Variants in STK33 observed in about 807,000 individuals in gnomAD.
The protein encoded by STK33 is serine/threonine-protein kinase 33.
In STK33, 52 loss-of-function variants were observed where a neutral mutation model predicts 58.0. The ratio of observed to expected loss-of-function variants is 0.90; its 90% CI spans 0.72 to 1.13. STK33 has a LOEUF of 1.13. STK33 is among the 50% of genes most tolerant of loss of function. The probability of loss-of-function intolerance (pLI) is 0.00; values close to 1 mark genes in which losing one functional copy is unlikely to be tolerated. For missense variants in STK33, 630 were observed against 604.2 expected (o/e 1.04, Z -0.45); for synonymous variants, 215 against 200.1 (o/e 1.07, Z -0.63).
At chr11:8,491,713 C>A (rs941757132) in intron 1 of STK33, among the ~76,000 whole-genome samples, 1 of 152,142 alleles carries the variant, frequency 6.6e-6, no homozygotes, top group African/African-American at 2.4e-5. Context: ...AGGTTACTCA[C>A]AAAGGGAAGC....
intron 1 of STK33, among the ~76,000 whole-genome samples, chr11:8,573,838 G>A (rs539888123): frequency 2.6e-4 from 39 of 152,316 alleles, no homozygotes; most frequent in African/African-American, 9.4e-4. Flanking sequence ...CATACTGTAT[G>A]ATTCCATTTA....
chr11:8,425,674 T>C (rs114717977), intron 14 of STK33, among the ~76,000 whole-genome samples: 1,827 of 152,336 alleles, frequency 0.012, 39 homozygotes, highest in African/African-American at 0.042. Context: ...TTATAAATAG[T>C]AGAGAGCTAG....
Position 8,551,268 on chromosome 11 carries a change from T to C in STK33, c.-466+42815A>G, listed in dbSNP as rs182368152. Among the ~76,000 whole-genome samples, 9 of 152,202 alleles carry C rather than the reference T, an allele frequency of 5.9e-5. No individual in the cohort carries two copies. The East Asian group carries it at 1.7e-3, about 29-fold the overall frequency. On this transcript the variant is annotated intron_variant, in intron 1 of 15. Transcript: ENST00000687296. Reference sequence around the variant, plus strand: ...CCTCGGCCTCCTGAGTAGCTGGAACTATAGGTGCCTACCACCACAACTGGC... The same window carrying C: ...CCTCGGCCTCCTGAGTAGCTGGAACCATAGGTGCCTACCACCACAACTGGC...
At chr11:8,530,521 G>C (rs775465453) in intron 1 of STK33, among the ~76,000 whole-genome samples, 2 of 150,908 alleles carry the variant, frequency 1.3e-5, no homozygotes, top group Non-Finnish European at 3.0e-5. Context: ...AAATTATTTG[G>C]AAATTTAGAA....
the STK33 span, among the ~76,000 whole-genome samples, chr11:8,359,446 AT>A: frequency 6.6e-6 from 1 of 152,192 alleles, no homozygotes; most frequent in Non-Finnish European, 1.5e-5. Context: ...TTCAAAGTAA[AT>A]TTTAAAACGG....
intron 1 of STK33, among the ~76,000 whole-genome samples, chr11:8,517,794 A>G (rs949289075): frequency 1.3e-5 from 2 of 152,224 alleles, no homozygotes; most frequent in Admixed American, 1.3e-4. Context: ...TAGAGAAAAA[A>G]GAGTAAAAAG....
chr11:8,435,214 C>T (rs376689381), intron 14 of STK33, among the ~76,000 whole-genome samples: 1 of 152,116 alleles, frequency 6.6e-6, no homozygotes, highest in Non-Finnish European at 1.5e-5. Context: ...AGCTATAATA[C>T]TGGACATTTT....
At chr11:8,486,924 T>C (rs1287214122) in intron 1 of STK33, among the ~76,000 whole-genome samples, 1 of 152,018 alleles carries the variant, frequency 6.6e-6, no homozygotes, top group African/African-American at 2.4e-5. Context: ...GAAAAGTCAA[T>C]ACATTGAAAA....
At chr11:8,412,685 A>G (rs767844397) in intron 15 of STK33, among the ~76,000 whole-genome samples, 4 of 152,232 alleles carry the variant, frequency 2.6e-5, no homozygotes, top group Non-Finnish European at 5.9e-5. Context: ...CCTGAGGTGA[A>G]CACAGTCCCT....
intron 1 of STK33, among the ~76,000 whole-genome samples, chr11:8,536,972 A>ATTTTTTTTTTTTT (rs1232336873): frequency 3.0e-5 from 2 of 65,734 alleles, no homozygotes; most frequent in Non-Finnish European, 5.0e-5. Flanking sequence ...AAAAAAAAAG[A>ATTTTTTTTTTTTT]TTTTTTTTTT....
chr11:8,523,866 G>A (rs1410429989), intron 1 of STK33, among the ~76,000 whole-genome samples: 3 of 152,256 alleles, frequency 2.0e-5, no homozygotes, highest in South Asian at 4.1e-4. Context: ...TGGCGGTTTT[G>A]TCGAATAGAA....
chr11:8,516,988 T>C (rs1952854956), intron 1 of STK33, among the ~76,000 whole-genome samples: 1 of 152,136 alleles, frequency 6.6e-6, no homozygotes, highest in East Asian at 1.9e-4. Flanking sequence ...CAGTAGCGGT[T>C]CTCTCAGCAC....
chr11:8,461,151 G>C (rs1281435980), intron 8 of STK33, among the ~76,000 whole-genome samples: 2 of 152,128 alleles, frequency 1.3e-5, no homozygotes, highest in African/African-American at 2.4e-5. Context: ...GTGGAGCCAG[G>C]ATTCAAATGC....
At chr11:8,590,798 T>C (rs1052323280) in intron 1 of STK33, among the ~76,000 whole-genome samples, 2 of 152,196 alleles carry the variant, frequency 1.3e-5, no homozygotes, top group African/African-American at 4.8e-5. Context: ...AAAACACAGT[T>C]AGCCTCACTC....
intron 1 of STK33, among the ~76,000 whole-genome samples, chr11:8,522,078 A>G (rs1028150781): frequency 2.0e-5 from 3 of 152,230 alleles, no homozygotes; most frequent in Non-Finnish European, 4.4e-5. Context: ...CAATTCCTCA[A>G]GTATCTAGAA....
At chr11:8,510,171 T>C (rs188370333) in intron 1 of STK33, among the ~76,000 whole-genome samples, 2 of 152,136 alleles carry the variant, frequency 1.3e-5, no homozygotes, top group Admixed American at 1.3e-4. Flanking sequence ...CACCTATTAT[T>C]TTTTGGCTTT....
chr11:8,393,060 T>C (rs1026563225), intron 15 of STK33, among the ~76,000 whole-genome samples: 1 of 152,164 alleles, frequency 6.6e-6, no homozygotes, highest in Admixed American at 6.5e-5. Context: ...AGCTCTGACA[T>C]TTGTATGGAT....
At chr11:8,538,256 G>T (rs183826670) in intron 1 of STK33, among the ~76,000 whole-genome samples, 22 of 151,906 alleles carry the variant, frequency 1.4e-4, no homozygotes, top group Middle Eastern at 3.4e-3. Context: ...ACTATAATGA[G>T]TATCTTATAC....
At chr11:8,559,835 C>A (rs1486825749) in intron 1 of STK33, among the ~76,000 whole-genome samples, 1 of 152,086 alleles carries the variant, frequency 6.6e-6, no homozygotes, top group Non-Finnish European at 1.5e-5. Flanking sequence ...TAGAAATTTT[C>A]TTTGCATATA....
Sources: gnomAD v4.1 joint callset for allele counts (sites outside exome capture counted in the v4.1 genomes callset) on GRCh38, gnomAD v4.1.1 for gene constraint, MANE v1.5 for transcripts, NCBI Gene and HGNC (gene_info 2026-07-23, HGNC 2026-07-21) for gene names.